The following ATRIP variants were observed in gnomAD, a reference collection of about 807,000 sequenced individuals.
ATRIP encodes ATR-interacting protein.
A neutral mutation model predicts 78.1 loss-of-function variants in ATRIP; 44 were observed. The observed-to-expected ratio is 0.56, with a 90% CI of 0.44 to 0.72. ATRIP has a LOEUF of 0.72. Among genes scored for constraint, ATRIP ranks in the 30% least tolerant of loss-of-function variants. The probability of loss-of-function intolerance (pLI) is 0.00; values close to 1 mark genes in which losing one functional copy is unlikely to be tolerated. For missense variants in ATRIP, 927 were observed against 980.2 expected (o/e 0.95, Z 0.72); for synonymous variants, 388 against 408.9 (o/e 0.95, Z 0.62).
intron 5 of ATRIP, among the ~76,000 whole-genome samples, chr3:48,458,934 A>G (rs1345937717): frequency 6.6e-6 from 1 of 152,206 alleles, no homozygotes; most frequent in Non-Finnish European, 1.5e-5. Flanking sequence ...TAATGCTGTT[A>G]ACTGGCTTAT....
chr3:48,449,500 C>A (rs982827858), intron 1 of ATRIP, among the ~76,000 whole-genome samples: 3 of 148,448 alleles, frequency 2.0e-5, no homozygotes, highest in African/African-American at 7.4e-5. Flanking sequence ...CTTACTAGAT[C>A]TTTCCCTGCT....
chr3:48,447,020 G>GACA lies in ATRIP; in HGVS notation c.177_178insAAC (p.Asp59_Leu60insAsn). 1 of 1,580,600 alleles carries GACA rather than the reference G, an allele frequency of 6.3e-7. No homozygotes were observed. The highest frequency in any genetic ancestry group is 8.6e-7 in the Non-Finnish European group (1 of 1,166,266). ...CGCGCATGGGGACTTCACTGCCGACGACCTGGAGGAGCTTGACACCCTCGC... is the reference window on the plus strand; with the variant it reads ...CGCGCATGGGGACTTCACTGCCGACGACAACCTGGAGGAGCTTGACACCCTCGC... On this transcript the variant is annotated inframe_insertion, in exon 1 of 13. Coordinates refer to ENST00000320211, the MANE Select transcript of ATRIP (RefSeq NM_130384.3).
Position 48,459,894 on chromosome 3 carries a change from C to G in ATRIP, c.1033C>G (p.Leu345Val). Reference sequence around the variant, plus strand: ...TTCTGAGTCTCCTGCTGGCACCCCCCTGCAGCCACCAGGGTTTGGCAGGTA... The same window carrying G: ...TTCTGAGTCTCCTGCTGGCACCCCCGTGCAGCCACCAGGGTTTGGCAGGTA... ...SSSESPAGTP[L>V]QPPGFGSTLA... The change falls in exon 7 of 13, where the codon CTG (leucine) becomes GTG (valine). Residue 345 changes from leucine to valine, a missense_variant. By Grantham distance (32) the Leu-to-Val change is conservative. Transcript: ENST00000320211. 1 of 1,613,468 alleles carries G rather than the reference C, an allele frequency of 6.2e-7. No homozygotes were observed.
chr3:48,464,823 T>A lies in ATRIP; in HGVS notation c.2056-8T>A. 1.2e-6 allele frequency: 2 copies of A among 1,603,756 alleles called. No individual in the cohort carries two copies. Among genetic ancestry groups the A allele is most frequent in the South Asian group, 2.2e-5 (2 of 90,678 alleles). On this transcript the variant is annotated splice_region_variant and splice_polypyrimidine_tract_variant and intron_variant, in intron 11 of 12. Transcript: ENST00000320211. ...ACCAGGCCTCAGTCTGCACCCCCCC[T>A]CTCTCAGGTGGTCAGAGCGCTCACG...
rs761165865 is a variant in ATRIP, at chr3:48,466,656, A to G, written c.*1102A>G. On this transcript the variant is annotated 3_prime_UTR_variant, in exon 13 of 13. Coordinates refer to ENST00000320211, the MANE Select transcript of ATRIP (RefSeq NM_130384.3). ...CTCAGCAGCAGGTACGTACCCAACC[A>G]TGGGCTCGCAGGCCCTGCCCCCGGG... 13 of 1,613,028 alleles carry G rather than the reference A, an allele frequency of 8.1e-6. No individual in the cohort carries two copies. The African/African-American group carries it at 1.3e-4, about 17-fold the overall frequency.
chr3:48,466,386 T>G lies in ATRIP; in HGVS notation c.*832T>G. ...CCCCCACCCCAGACTAAGGGGGCAC[T>G]AGGGGAGGGGCCGAGTCATGTGAAG... is the stretch of plus-strand genomic sequence containing the variant. On this transcript the variant is annotated 3_prime_UTR_variant, in exon 13 of 13. Transcript: ENST00000320211. The G allele has an allele frequency of 6.6e-7, 1 of 1,515,136 alleles. No individual in the cohort carries two copies. The highest frequency in any genetic ancestry group is 2.3e-5 in the East Asian group (1 of 43,170). 93.9% of individuals were successfully genotyped at this position (1,515,136 alleles called of 1,614,324 possible).
rs766785968 is a variant in ATRIP, at chr3:48,467,322, G to A, written c.*1768G>A. 2.5e-5 allele frequency: 41 copies of A among 1,614,038 alleles called. No individual in the cohort carries two copies. The highest frequency in any genetic ancestry group is 4.5e-5 in the East Asian group (2 of 44,896). On this transcript the variant is annotated 3_prime_UTR_variant, in exon 13 of 13. Coordinates refer to ENST00000320211, the MANE Select transcript of ATRIP (RefSeq NM_130384.3). ...CCTGCTGCGGTGGGTGGATGCTCAC[G>A]CCAGGCCTTTCGGCACCATCAGGCC...
In ATRIP at chr3:48,467,321, C is replaced by T. The variant is rs1431098691; in HGVS notation, c.*1767C>T. On this transcript the variant is annotated 3_prime_UTR_variant, in exon 13 of 13. Transcript: ENST00000320211. Reference sequence around the variant, plus strand: ...CCCTGCTGCGGTGGGTGGATGCTCACGCCAGGCCTTTCGGCACCATCAGGC... The same window carrying T: ...CCCTGCTGCGGTGGGTGGATGCTCATGCCAGGCCTTTCGGCACCATCAGGC... 3.7e-6 allele frequency: 6 copies of T among 1,614,134 alleles called. No homozygotes were observed. The Admixed American group carries it at 5.0e-5, about 13-fold the overall frequency.
At chr3:48,450,651 A>G (rs1290586191) in intron 2 of ATRIP, 3 of 823,400 alleles carry the variant, frequency 3.6e-6, no homozygotes, top group Admixed American at 3.3e-5. Flanking sequence ...CAGTGACACA[A>G]TCTTGGCTCA....
chr3:48,459,388 T>G lies in ATRIP; in HGVS notation c.859T>G (p.Ser287Ala). The part of the protein sequence containing the change: ...DSKPHSLRGD[S>A]IKQEEAQKSF... The stretch of plus-strand genomic sequence containing the variant: ...TAAGCCCCACAGTCTGAGAGGTGAC[T>G]CCATAAAACAAGAAGAGGCCCAGAA... Residue 287 changes from serine to alanine, a missense_variant, in exon 6 of 13, where the codon TCC becomes GCC. By Grantham distance (99) the Ser-to-Ala change is moderately conservative (BLOSUM62 1). Transcript: ENST00000320211. 5 of 1,614,012 alleles carry G rather than the reference T, an allele frequency of 3.1e-6. No homozygotes were observed. The highest frequency in any genetic ancestry group is 4.2e-6 in the Non-Finnish European group (5 of 1,179,962).
chr3:48,464,694 C>T (rs1464645429), intron 11 of ATRIP, 32 bp downstream of exon 11: 2 of 1,613,756 alleles, frequency 1.2e-6, no homozygotes, highest in Non-Finnish European at 1.7e-6. Flanking sequence ...GCTGGCAGCT[C>T]TGGTGGTAAG....
chr3:48,448,038 T>C (rs1002163260), intron 1 of ATRIP, among the ~76,000 whole-genome samples: 4 of 152,224 alleles, frequency 2.6e-5, no homozygotes, highest in Non-Finnish European at 5.9e-5. Flanking sequence ...TGAACAATGG[T>C]CTGCTAAATT....
At chr3:48,452,663 C>G (rs2039862348) in intron 3 of ATRIP, among the ~76,000 whole-genome samples, 2 of 152,004 alleles carry the variant, frequency 1.3e-5, no homozygotes, top group Admixed American at 1.3e-4. Context: ...CCATTGTACT[C>G]CAGCCTGGGC....
intron 1 of ATRIP, chr3:48,447,602 C>G: frequency 1.1e-6 from 1 of 916,886 alleles, no homozygotes; most frequent in Non-Finnish European, 1.3e-6. Flanking sequence ...CTGCAGCTGA[C>G]CTTACAATGA....
chr3:48,466,011 C>G lies in ATRIP; in HGVS notation c.*457C>G, dbSNP rs919551536. On this transcript the variant is annotated 3_prime_UTR_variant, in exon 13 of 13. Transcript: ENST00000320211. ...CGGGAGCTGGTCTGGCACCACTGCC[C>G]TGGTCCTTCCAGCTGCCTGTCACTG... 3.2e-6 allele frequency: 1 copy of G among 317,336 alleles called. No individual in the cohort carries two copies. Among genetic ancestry groups the G allele is most frequent in the African/African-American group, 2.1e-5 (1 of 46,630 alleles). 19.7% of individuals were successfully genotyped at this position (317,336 alleles called of 1,614,324 possible). A position where few individuals can be genotyped will look rare whatever the true frequency, so the allele number is the denominator to read the frequency against.
chr3:48,458,187 C>T (rs2040005001), intron 5 of ATRIP, among the ~76,000 whole-genome samples: 1 of 151,648 alleles, frequency 6.6e-6, no homozygotes. Flanking sequence ...AAGTGATTCT[C>T]CTGCCTCAGA....
chr3:48,458,078 CTTT>C (rs1328630526), intron 5 of ATRIP, among the ~76,000 whole-genome samples: 8 of 133,836 alleles, frequency 6.0e-5, no homozygotes, highest in Admixed American at 2.3e-4. Context: ...ATTTGTGGGC[CTTT>C]TTTTTTTTTT....
chr3:48,464,770 G>A (rs547267103), intron 11 of ATRIP, 61 bp from the exon 12 acceptor site: 43 of 1,601,218 alleles, frequency 2.7e-5, no homozygotes, highest in Middle Eastern at 1.7e-4. Flanking sequence ...TAGGCTGAGC[G>A]GATTGTTAGG....
In ATRIP at chr3:48,464,894, C is replaced by T. The variant is rs778863017; in HGVS notation, c.2119C>T (p.Pro707Ser). 2 of 1,613,972 alleles carry T rather than the reference C, an allele frequency of 1.2e-6. No homozygotes were observed. The highest frequency in any genetic ancestry group is 4.5e-5 in the East Asian group (2 of 44,880). Residue 707 changes from proline to serine, a missense_variant, in exon 12 of 13, where the codon CCC (proline) becomes TCC (serine). Coordinates refer to ENST00000320211, the MANE Select transcript of ATRIP (RefSeq NM_130384.3). ...GCTGACAGTGCGGAGGGCAGGGGGACCCCCAAGGACCGACCAGCAGAGGCG... is the reference window on the plus strand; with the variant it reads ...GCTGACAGTGCGGAGGGCAGGGGGATCCCCAAGGACCGACCAGCAGAGGCG... ...QWLTVRRAGG[P>S]PRTDQQRRTV...
Sources: allele counts gnomAD v4.1 joint callset (sites outside exome capture counted in the v4.1 genomes callset), GRCh38; gene constraint gnomAD v4.1.1; transcripts MANE v1.5; gene names NCBI Gene and HGNC (gene_info 2026-07-23, HGNC 2026-07-21).